GRM5: variants seen among roughly 807,000 people sequenced by gnomAD.
GRM5 encodes glutamate metabotropic receptor 5, also known as metabotropic glutamate receptor 5.
GRM5 carries 19 observed loss-of-function variants against 83.1 expected under a neutral mutation model. That is an observed-to-expected ratio of 0.23 (90% confidence interval 0.16 to 0.34). The LOEUF (loss-of-function observed/expected upper bound fraction) is 0.34. Ranked by LOEUF, GRM5 falls within the 10% of genes least tolerant of loss-of-function variation. The probability of loss-of-function intolerance (pLI) is 1.00; values close to 1 mark genes in which losing one functional copy is unlikely to be tolerated. For missense variants in GRM5, 1,160 were observed against 1,588.3 expected, an observed-to-expected ratio of 0.73 and a Z score of 4.58; for synonymous variants, 675 against 633.6, an observed-to-expected ratio of 1.07 and a Z score of -0.98.
intron 8 of GRM5, among the ~76,000 whole-genome samples, chr11:88,560,518 A>G (rs1942730114): frequency 6.6e-6 from 1 of 152,176 alleles, no homozygotes; most frequent in South Asian, 2.1e-4. Context: ...CTTGATTTTA[A>G]AAAGAAAAGT....
intron 3 of GRM5, among the ~76,000 whole-genome samples, chr11:88,788,510 T>C (rs573941762): frequency 2.0e-5 from 3 of 152,286 alleles, no homozygotes; most frequent in African/African-American, 7.2e-5. Flanking sequence ...ACCAAAAGTA[T>C]TGAAATTATC....
chr11:88,653,415 T>C lies in GRM5; in HGVS notation c.912-12A>G, dbSNP rs181715236. 2 of 1,571,552 alleles carry C rather than the reference T, an allele frequency of 1.3e-6. No individual in the cohort carries two copies. The highest frequency in any genetic ancestry group is 2.2e-5 in the East Asian group (1 of 44,592). On this transcript the variant is annotated splice_polypyrimidine_tract_variant and intron_variant, in intron 3 of 9. Coordinates refer to ENST00000305447, the MANE Select transcript of GRM5 (RefSeq NM_001143831.3). ...CAGCCCAGCCATCACTGTGGGGAAA[T>C]AAAAAAACCCTCAGCTTAGAACAGA...
intron 2 of GRM5, among the ~76,000 whole-genome samples, chr11:88,982,823 T>G (rs977995529): frequency 6.6e-6 from 1 of 152,160 alleles, no homozygotes; most frequent in Non-Finnish European, 1.5e-5. Context: ...TCCCAGCATT[T>G]TGGGAGGCCG....
intron 2 of GRM5, among the ~76,000 whole-genome samples, chr11:88,918,969 G>A (rs1390067611): frequency 1.3e-5 from 2 of 149,716 alleles, no homozygotes; most frequent in African/African-American, 4.9e-5. Flanking sequence ...AAGTAAGACA[G>A]GAAGGACAGA....
intron 2 of GRM5, among the ~76,000 whole-genome samples, chr11:88,881,240 T>G (rs2135573106): frequency 6.6e-6 from 1 of 152,148 alleles, no homozygotes; most frequent in Admixed American, 6.5e-5. Flanking sequence ...TTTAATGGAT[T>G]TGAGACTTTA....
rs373726545 is a variant in GRM5, at chr11:88,989,813, C to T, written c.661+57399G>A. 1.5e-3 allele frequency among the ~76,000 whole-genome samples: 218 copies of T among 149,682 alleles called. 1 individual carries two copies. The highest frequency in any genetic ancestry group is 3.0e-3 in the African/African-American group (121 of 40,536). On this transcript the variant is annotated intron_variant, in intron 2 of 9. Coordinates refer to ENST00000305447, the MANE Select transcript of GRM5 (RefSeq NM_001143831.3). ...AAATAAAGATGTTCTTTGAAACCAA[C>T]GAGAACAAAGACACAACATACCAGA...
chr11:88,961,385 TA>T, intron 2 of GRM5, among the ~76,000 whole-genome samples: 1 of 152,074 alleles, frequency 6.6e-6, no homozygotes, highest in East Asian at 1.9e-4. Flanking sequence ...TTGCTTGTTT[TA>T]AAAACACTGG....
chr11:88,606,939 G>T (rs1938160106), intron 4 of GRM5, among the ~76,000 whole-genome samples: 1 of 142,278 alleles, frequency 7.0e-6, no homozygotes, highest in African/African-American at 2.8e-5. Flanking sequence ...TTTAAGAAAG[G>T]TGTTTTTTTT....
intron 7 of GRM5, among the ~76,000 whole-genome samples, chr11:88,568,664 G>A (rs146550272): frequency 1.3e-4 from 20 of 152,252 alleles, no homozygotes; most frequent in Non-Finnish European, 1.8e-4. Context: ...GGTTTTGGAT[G>A]AGATAAAGGT....
At chr11:88,844,383 CACACACAT>C (rs943339639) in intron 3 of GRM5, among the ~76,000 whole-genome samples, 7 of 150,728 alleles carry the variant, frequency 4.6e-5, no homozygotes, top group Admixed American at 1.3e-4. Context: ...CACACACACA[CACACACAT>C]ATATATATAT....
chr11:88,736,456 T>C (rs1246622365), intron 3 of GRM5, among the ~76,000 whole-genome samples: 1 of 152,046 alleles, frequency 6.6e-6, no homozygotes, highest in Non-Finnish European at 1.5e-5. Flanking sequence ...CTTAGTCAAC[T>C]CAAAAACAGG....
chr11:88,611,826 T>G (rs1473063857), intron 4 of GRM5, among the ~76,000 whole-genome samples: 1 of 152,130 alleles, frequency 6.6e-6, no homozygotes, highest in African/African-American at 2.4e-5. Flanking sequence ...GTTGTTAATT[T>G]GAGATGATTC....
At chr11:88,982,602 C>T (rs538480) in intron 2 of GRM5, among the ~76,000 whole-genome samples, 12,341 of 152,064 alleles carry the variant, frequency 0.081, 1,549 homozygotes, top group African/African-American at 0.27. Flanking sequence ...TATACATGCA[C>T]CTGTACACAC....
Position 88,508,258 on chromosome 11 carries a change from G to T in GRM5, c.*334C>A. 1 of 196,708 alleles carries T rather than the reference G, an allele frequency of 5.1e-6. No homozygotes were observed. Among genetic ancestry groups the T allele is most frequent in the Admixed American group, 5.9e-5 (1 of 16,890 alleles). 12.2% of individuals were successfully genotyped at this position (196,708 alleles called of 1,614,324 possible). A position where few individuals can be genotyped will look rare whatever the true frequency, so the allele number is the denominator to read the frequency against. On this transcript the variant is annotated 3_prime_UTR_variant, in exon 10 of 10. Coordinates refer to ENST00000305447, the MANE Select transcript of GRM5 (RefSeq NM_001143831.3). This position sits in a 1 kb window ranked among gnomAD's most constrained non-coding sequence, Gnocchi z 4.2. ...TTATTAACTATGCTCTTCACCCTCC[G>T]TTACGCTGTTTCACACGCACTGCTT...
In GRM5 at chr11:89,009,046, T is replaced by A. The variant is rs750271520; in HGVS notation, c.661+38166A>T. On this transcript the variant is annotated intron_variant, in intron 2 of 9. Transcript: ENST00000305447. ...ATTGTTTTACACACCTCATAAAAGA[T>A]AACATCAATGTCTGATCCCTCTTAC... 1.9e-4 allele frequency: 139 copies of A among 741,876 alleles called. 1 individual carries two copies. Among genetic ancestry groups the A allele is most frequent in the Middle Eastern group, 1.8e-3 (8 of 4,396 alleles). The allele number at this position is 741,876 out of a possible 1,614,324, so 46.0% of individuals were successfully genotyped here. A position where few individuals can be genotyped will look rare whatever the true frequency, so the allele number is the denominator to read the frequency against.
intron 3 of GRM5, among the ~76,000 whole-genome samples, chr11:88,777,515 C>T (rs759901692): frequency 6.6e-6 from 1 of 152,174 alleles, no homozygotes; most frequent in Non-Finnish European, 1.5e-5. Context: ...AGAAGGGGCA[C>T]TCTGATTTTT....
intron 8 of GRM5, among the ~76,000 whole-genome samples, chr11:88,545,765 G>A (rs2135139208): frequency 6.6e-6 from 1 of 152,038 alleles, no homozygotes; most frequent in African/African-American, 2.4e-5. Context: ...TTCTCTTCTT[G>A]TCACTCTAAA....
intron 3 of GRM5, among the ~76,000 whole-genome samples, chr11:88,665,197 C>T (rs940170412): frequency 9.9e-4 from 21 of 21,294 alleles, no homozygotes; most frequent in Non-Finnish European, 3.6e-3. Context: ...ACACATCCCT[C>T]TTGGAATTTC....
chr11:88,862,825 G>T, intron 2 of GRM5, among the ~76,000 whole-genome samples: 1 of 151,980 alleles, frequency 6.6e-6, no homozygotes, highest in East Asian at 1.9e-4. Flanking sequence ...AGAGCAAACA[G>T]ACCATCTACA....
Sources: gnomAD v4.1 joint callset for allele counts (sites outside exome capture counted in the v4.1 genomes callset) on GRCh38, gnomAD v4.1.1 for gene constraint, Gnocchi (gnomAD v3.1) non-coding constraint, MANE v1.5 for transcripts, NCBI Gene and HGNC (gene_info 2026-07-23, HGNC 2026-07-21) for gene names.